DYM: variants seen among roughly 807,000 people sequenced by gnomAD.
DYM encodes the protein dymeclin.
DYM carries 78 observed loss-of-function variants against 93.1 expected under a neutral mutation model. The ratio of observed to expected loss-of-function variants is 0.84; its 90% CI spans 0.70 to 1.01. DYM has a LOEUF of 1.01. DYM is among the 50% of genes least tolerant of loss of function. The pLI is 0.00. For missense variants in DYM, 789 were observed against 845.0 expected (o/e 0.93, Z 0.82); for synonymous variants, 321 against 319.7 (o/e 1.00, Z -0.04).
Position 49,282,041 on chromosome 18 carries a change from T to C in DYM, c.1081A>G (p.Asn361Asp), listed in dbSNP as rs1219771364. The change falls in exon 10 of 18, where the codon AAT becomes GAT. Residue 361 changes from asparagine to aspartate, a missense_variant. Around this residue, in one of 3 missense-constraint regions of DYM, gnomAD observed 450 missense variants for 436.2 expected, o/e 1.03. Transcript: ENST00000675505. ...LLYTLLHQNSNIRTYMLARTD... is the reference protein window; with the variant it reads ...LLYTLLHQNSDIRTYMLARTD... ...CGAGCCAACATGTATGTTCTAATATTACTATTTTGATGGAGCAAGGTATAC... is the reference window on the plus strand; with the variant it reads ...CGAGCCAACATGTATGTTCTAATATCACTATTTTGATGGAGCAAGGTATAC... 1.9e-6 allele frequency: 3 copies of C among 1,614,022 alleles called. No individual in the cohort carries two copies. The South Asian group carries it at 3.3e-5, about 18-fold the overall frequency.
At chr18:49,272,421 G>C (rs1179559942) in intron 10 of DYM, 118 bp from the exon 11 acceptor site, 6 of 757,194 alleles carry the variant, frequency 7.9e-6, no homozygotes, top group Middle Eastern at 3.9e-4. Context: ...TTTTTCATTA[G>C]AGAAAAAACC....
chr18:49,379,692 T>A lies in DYM; in HGVS notation c.260A>T (p.Glu87Val). The A allele has an allele frequency of 6.2e-7, 1 of 1,613,290 alleles. No individual in the cohort carries two copies. Among genetic ancestry groups the A allele is most frequent in the South Asian group, 1.1e-5 (1 of 91,064 alleles). The change falls in exon 4 of 18, where the codon GAA becomes GTA. Residue 87 changes from glutamate to valine, a missense_variant. By Grantham distance (121) the Glu-to-Val change is moderately radical. Around this residue, in one of 3 missense-constraint regions of DYM, gnomAD observed 450 missense variants for 436.2 expected, o/e 1.03. Transcript: ENST00000675505. The part of the protein sequence containing the change: ...LIKVFLSRTK[E>V]LKLSAECQNH... ...CTGACATTCTGCTGAAAGTTTTAGT[T>A]CTTTGGTTCTAGAAAGGAAGACCTT...
chr18:49,080,097 T>C (rs1471626466), intron 17 of DYM, among the ~76,000 whole-genome samples: 1 of 94,934 alleles, frequency 1.1e-5, no homozygotes, highest in Non-Finnish European at 1.9e-5. Context: ...ACGGGGCGGC[T>C]GGCCGGGCGG....
At chr18:49,314,245 T>C (rs940612016) in intron 8 of DYM, among the ~76,000 whole-genome samples, 1 of 152,246 alleles carries the variant, frequency 6.6e-6, no homozygotes. Flanking sequence ...TCACACTATA[T>C]GTGTTCTTTT....
At chr18:49,137,789 T>C (rs1402096896) in intron 15 of DYM, among the ~76,000 whole-genome samples, 3 of 152,188 alleles carry the variant, frequency 2.0e-5, no homozygotes, top group Non-Finnish European at 4.4e-5. Flanking sequence ...CACACCACCT[T>C]AGCACCAATC....
intron 15 of DYM, among the ~76,000 whole-genome samples, chr18:49,142,236 C>G (rs1422298679): frequency 2.0e-5 from 3 of 151,994 alleles, no homozygotes; most frequent in Admixed American, 6.6e-5. Context: ...TCTACTATAT[C>G]TACTCTATTT....
intron 15 of DYM, among the ~76,000 whole-genome samples, chr18:49,129,137 AAAAC>A (rs1429815436): frequency 1.3e-5 from 2 of 152,082 alleles, no homozygotes; most frequent in African/African-American, 4.8e-5. Flanking sequence ...AAAAAAAAGA[AAAAC>A]AGAGTAGCTC....
chr18:49,334,507 AG>A (rs2063529493), intron 6 of DYM, among the ~76,000 whole-genome samples: 1 of 152,256 alleles, frequency 6.6e-6, no homozygotes, highest in Non-Finnish European at 1.5e-5. Flanking sequence ...TCAGCTGAAC[AG>A]AAAGCACACA....
chr18:49,040,427 G>C lies in DYM; in HGVS notation c.*3628C>G, dbSNP rs2070866628. Reference sequence around the variant, plus strand: ...ACTCTGAATAGCTATACGCTAATGAGATTAAATTTTATGCTTTAATTCATA... The same window carrying C: ...ACTCTGAATAGCTATACGCTAATGACATTAAATTTTATGCTTTAATTCATA... On this transcript the variant is annotated 3_prime_UTR_variant, in exon 18 of 18. Coordinates refer to ENST00000675505, the MANE Select transcript of DYM (RefSeq NM_001353214.3). Among the ~76,000 whole-genome samples the C allele has an allele frequency of 6.6e-6, 1 of 152,190 alleles. No homozygotes were observed. Among genetic ancestry groups the C allele is most frequent in the African/African-American group, 2.4e-5 (1 of 41,446 alleles).
intron 2 of DYM, among the ~76,000 whole-genome samples, chr18:49,422,463 C>G (rs545342350): frequency 6.6e-6 from 1 of 152,128 alleles, no homozygotes; most frequent in African/African-American, 2.4e-5. Context: ...TAAAGACCAT[C>G]GAGGCTAGGA....
At chr18:49,198,568 A>G (rs2091706917) in intron 14 of DYM, among the ~76,000 whole-genome samples, 2 of 152,206 alleles carry the variant, frequency 1.3e-5, no homozygotes, top group African/African-American at 2.4e-5. Flanking sequence ...GTGGGTGAAG[A>G]ACATGAACAG....
intron 6 of DYM, among the ~76,000 whole-genome samples, chr18:49,361,660 C>G (rs773391286): frequency 1.2e-4 from 19 of 152,162 alleles, no homozygotes; most frequent in African/African-American, 3.6e-4. Context: ...GTGGGAGAGG[C>G]AATTATCAAA....
At chr18:49,187,320 C>A (rs1296200383) in intron 14 of DYM, among the ~76,000 whole-genome samples, 1 of 152,148 alleles carries the variant, frequency 6.6e-6, no homozygotes, top group Non-Finnish European at 1.5e-5. Flanking sequence ...CTACAACTTG[C>A]CCAATTCTGA....
intron 8 of DYM, among the ~76,000 whole-genome samples, chr18:49,314,098 T>A (rs1003579452): frequency 6.6e-6 from 1 of 152,196 alleles, no homozygotes; most frequent in Non-Finnish European, 1.5e-5. Context: ...TTCTTCCCTA[T>A]CAAATATTAT....
chr18:49,278,855 T>G (rs987747489), intron 10 of DYM, among the ~76,000 whole-genome samples: 1 of 152,222 alleles, frequency 6.6e-6, no homozygotes, highest in Non-Finnish European at 1.5e-5. Flanking sequence ...TTTGTACAGA[T>G]ATATTTCTTT....
chr18:49,194,331 C>T (rs1445890775), intron 14 of DYM, among the ~76,000 whole-genome samples: 6 of 152,160 alleles, frequency 3.9e-5, no homozygotes, highest in Admixed American at 2.0e-4. Flanking sequence ...TCTGGTCACA[C>T]CTACACACCC....
intron 17 of DYM, among the ~76,000 whole-genome samples, chr18:49,078,131 A>G (rs2145071183): frequency 6.6e-6 from 1 of 152,328 alleles, no homozygotes; most frequent in South Asian, 2.1e-4. Context: ...GTTGCCCTAG[A>G]GATGACAATA....
intron 14 of DYM, among the ~76,000 whole-genome samples, chr18:49,204,697 A>C (rs1300499465): frequency 1.3e-5 from 2 of 152,220 alleles, no homozygotes; most frequent in Admixed American, 6.5e-5. Context: ...TATCACAATC[A>C]TTGTCAAAAG....
At chr18:49,058,792 T>A (rs559252993) in intron 17 of DYM, among the ~76,000 whole-genome samples, 1 of 152,316 alleles carries the variant, frequency 6.6e-6, no homozygotes, top group South Asian at 2.1e-4. Flanking sequence ...ATTTAAATAA[T>A]CAACATACTA....
Sources: gnomAD v4.1 joint callset for allele counts (sites outside exome capture counted in the v4.1 genomes callset) on GRCh38, gnomAD v4.1.1 for gene constraint, gnomAD v4.1.1 regional missense constraint, MANE v1.5 for transcripts, NCBI Gene and HGNC (gene_info 2026-07-23, HGNC 2026-07-21) for gene names.